ZNF775: variants seen among roughly 807,000 people sequenced by gnomAD.
ZNF775 encodes the protein zinc finger protein 775.
A neutral mutation model predicts 2.4 loss-of-function variants in ZNF775; 1 was observed. The observed-to-expected ratio is 0.41, with a 90% CI of 0.15 to 1.94. The LOEUF is 1.94. ZNF775 is among the 30% of genes most tolerant of loss of function. ZNF775 has a pLI of 0.30. For missense variants in ZNF775, 823 were observed against 826.6 expected (o/e 1.00, Z 0.05); for synonymous variants, 381 against 373.3 (o/e 1.02, Z -0.24).
chr7:150,390,329 G>T (rs923196770), intron 2 of ZNF775, among the ~76,000 whole-genome samples: 1 of 152,114 alleles, frequency 6.6e-6, no homozygotes, highest in Admixed American at 6.5e-5. Flanking sequence ...ATTTGCGTCC[G>T]CCAGGGGCCC....
chr7:150,393,107 G>GC (rs1411991884), intron 2 of ZNF775, among the ~76,000 whole-genome samples: 1 of 151,202 alleles, frequency 6.6e-6, no homozygotes, highest in African/African-American at 2.4e-5. Context: ...ATATTTCACT[G>GC]CCCCCCAAGT....
chr7:150,394,365 C>T (rs7799903), intron 2 of ZNF775, among the ~76,000 whole-genome samples: 66,405 of 152,048 alleles, frequency 0.44, 14,752 homozygotes, highest in Admixed American at 0.49. Flanking sequence ...AGTGGATTCC[C>T]TTGCACATTC....
intron 1 of ZNF775, among the ~76,000 whole-genome samples, chr7:150,381,637 G>A (rs1444908133): frequency 6.9e-6 from 1 of 145,244 alleles, no homozygotes; most frequent in Non-Finnish European, 1.5e-5. Context: ...TGGGGAAACT[G>A]AGGCCCAGAG....
intron 1 of ZNF775, among the ~76,000 whole-genome samples, chr7:150,385,095 A>T (rs1452167238): frequency 6.6e-6 from 1 of 152,248 alleles, no homozygotes; most frequent in African/African-American, 2.4e-5. Flanking sequence ...GCAGAAGCTC[A>T]CAGAGTGGCC....
intron 2 of ZNF775, among the ~76,000 whole-genome samples, chr7:150,389,330 C>T (rs1414594339): frequency 1.3e-5 from 2 of 152,238 alleles, no homozygotes; most frequent in East Asian, 1.9e-4. Context: ...CGCCTCCCCT[C>T]CCAGGAATAT....
chr7:150,380,853 T>G (rs1800349003), intron 1 of ZNF775, among the ~76,000 whole-genome samples: 1 of 152,240 alleles, frequency 6.6e-6, no homozygotes, highest in Admixed American at 6.5e-5. Context: ...GCACATTTAC[T>G]TCTCAGGACC....
intron 2 of ZNF775, among the ~76,000 whole-genome samples, chr7:150,396,128 A>G (rs1311004175): frequency 6.6e-6 from 1 of 152,020 alleles, no homozygotes; most frequent in Non-Finnish European, 1.5e-5. Context: ...AGCAGATTTC[A>G]CTGGATCGGT....
chr7:150,397,301 G>A lies in ZNF775; in HGVS notation c.820G>A (p.Gly274Arg). ...GARAAVSGPE[G>R]PGEPRQFICN... is the part of the protein sequence containing the mutation. ...CCGGGCCGCGGTCTCCGGCCCCGAG[G>A]GGCCGGGCGAGCCGCGCCAGTTCAT... Residue 274 changes from glycine (G) to arginine (R), a missense_variant, in exon 3 of 3, where the codon GGG (glycine) becomes AGG (arginine). By Grantham distance (125) the Gly-to-Arg change is moderately radical (BLOSUM62 -2). Coordinates refer to ENST00000329630, the MANE Select transcript of ZNF775 (RefSeq NM_173680.4). 7.0e-6 allele frequency: 11 copies of A among 1,566,006 alleles called. No homozygotes were observed. The highest frequency in any genetic ancestry group is 9.5e-6 in the Non-Finnish European group (11 of 1,161,420).
chr7:150,392,528 CT>C (rs949644691), intron 2 of ZNF775, among the ~76,000 whole-genome samples: 11 of 146,738 alleles, frequency 7.5e-5, no homozygotes, highest in African/African-American at 2.6e-4. Flanking sequence ...GTTTTATTTT[CT>C]TTTTTTCCCA....
At chr7:150,391,896 T>C (rs1024021620) in intron 2 of ZNF775, among the ~76,000 whole-genome samples, 5 of 151,950 alleles carry the variant, frequency 3.3e-5, no homozygotes, top group Admixed American at 2.0e-4. Context: ...GTATTTTTAG[T>C]AGAGACGGGG....
chr7:150,397,173 C>G lies in ZNF775; in HGVS notation c.692C>G (p.Ala231Gly). 7.4e-7 allele frequency: 1 copy of G among 1,351,890 alleles called. No individual in the cohort carries two copies. The highest frequency in any genetic ancestry group is 3.3e-5 in the East Asian group (1 of 30,428). 83.7% of individuals were successfully genotyped at this position (1,351,890 alleles called of 1,614,324 possible). The change falls in exon 3 of 3, where the codon GCG becomes GGG. Residue 231 changes from alanine (A) to glycine (G), a missense_variant. Physicochemically the swap from Ala to Gly is moderately conservative, Grantham distance 60. Transcript: ENST00000329630. ...RAGLHELIQD[A>G]AARRACRLQP... ...GGCCTGCACGAGCTGATTCAGGACG[C>G]GGCGGCGCGCCGGGCCTGTCGCCTG... is the stretch of plus-strand genomic sequence containing the variant.
chr7:150,383,617 G>T (rs1228043744), intron 1 of ZNF775, among the ~76,000 whole-genome samples: 1 of 152,176 alleles, frequency 6.6e-6, no homozygotes, highest in African/African-American at 2.4e-5. Flanking sequence ...GCCAGTTTCT[G>T]TGGGGGTCTC....
rs77618382 is a variant in ZNF775, at chr7:150,385,321, T to C, written c.-49-3101T>C. On this transcript the variant is annotated intron_variant, in intron 1 of 2. Coordinates refer to ENST00000329630, the MANE Select transcript of ZNF775 (RefSeq NM_173680.4). Reference sequence around the variant, plus strand: ...AACCCAGAAAAGCTCTTTGCAAAAGTAGAAGAGAAAAACAGCTTTTAAAAG... The same window carrying C: ...AACCCAGAAAAGCTCTTTGCAAAAGCAGAAGAGAAAAACAGCTTTTAAAAG... 9.6e-3 allele frequency among the ~76,000 whole-genome samples: 1,457 copies of C among 152,180 alleles called. 21 individuals carry two copies. Among genetic ancestry groups the C allele is most frequent in the African/African-American group, 0.033 (1,372 of 41,504 alleles).
chr7:150,385,045 G>A (rs1800426585), intron 1 of ZNF775, among the ~76,000 whole-genome samples: 1 of 152,158 alleles, frequency 6.6e-6, no homozygotes, highest in African/African-American at 2.4e-5. Context: ...TCAGGTGGAT[G>A]TTAAGTCCAG....
chr7:150,383,600 T>A (rs1462231665), intron 1 of ZNF775, among the ~76,000 whole-genome samples: 2 of 152,048 alleles, frequency 1.3e-5, no homozygotes, highest in African/African-American at 4.8e-5. Context: ...GGGCTGGGAC[T>A]GGAGAGGCCA....
chr7:150,380,619 G>T (rs535399430), intron 1 of ZNF775, among the ~76,000 whole-genome samples: 1 of 152,192 alleles, frequency 6.6e-6, no homozygotes, highest in African/African-American at 2.4e-5. Context: ...AGGATGGGGC[G>T]TGTCGGGGTG....
intron 1 of ZNF775, among the ~76,000 whole-genome samples, chr7:150,381,724 G>A (rs967602209): frequency 3.9e-5 from 6 of 152,160 alleles, no homozygotes; most frequent in Admixed American, 3.3e-4. Flanking sequence ...GGGCCTCTCA[G>A]CGGCTTTTTC....
intron 2 of ZNF775, among the ~76,000 whole-genome samples, chr7:150,392,996 A>G (rs1307460442): frequency 2.0e-5 from 3 of 152,280 alleles, no homozygotes; most frequent in Admixed American, 2.0e-4. Flanking sequence ...TTTATTACCT[A>G]AAGTCTGTAG....
At chr7:150,387,289 C>G (rs1800469068) in intron 1 of ZNF775, among the ~76,000 whole-genome samples, 1 of 116,896 alleles carries the variant, frequency 8.6e-6, no homozygotes, top group African/African-American at 3.4e-5. Flanking sequence ...GAGGAAGACT[C>G]TGTCTCAAAA....
Sources: gnomAD v4.1 joint callset for allele counts (sites outside exome capture counted in the v4.1 genomes callset) on GRCh38, gnomAD v4.1.1 for gene constraint, MANE v1.5 for transcripts, NCBI Gene and HGNC (gene_info 2026-07-23, HGNC 2026-07-21) for gene names.